CD99L2: variants seen among roughly 807,000 people sequenced by gnomAD.
CD99L2 encodes CD99 molecule like 2.
CD99L2 carries 24 observed loss-of-function variants against 27.3 expected under a neutral mutation model. That is an observed-to-expected ratio of 0.88 (90% CI 0.64 to 1.24). The LOEUF is 1.24. CD99L2 is among the 50% of genes most tolerant of loss of function. The pLI is 0.00. For missense variants in CD99L2, 255 were observed against 221.6 expected, an observed-to-expected ratio of 1.15 and a Z score of -0.96; for synonymous variants, 97 against 87.9, an observed-to-expected ratio of 1.10 and a Z score of -0.58.
chrX:150,806,483 T>A (rs191795973), intron 4 of CD99L2, among the ~76,000 whole-genome samples: 15 of 111,908 alleles, frequency 1.3e-4, no homozygotes, highest in Non-Finnish European at 2.6e-4. Flanking sequence ...CAAGGTAATT[T>A]CTGATGCAAA....
chrX:150,823,275 T>C (rs1160443778), intron 2 of CD99L2, among the ~76,000 whole-genome samples: 4 of 111,733 alleles, frequency 3.6e-5, no homozygotes, highest in Non-Finnish European at 7.5e-5. Flanking sequence ...TGGTTGGTTA[T>C]TTATTTAGTT....
intron 4 of CD99L2, among the ~76,000 whole-genome samples, chrX:150,796,497 A>G (rs1343026926): frequency 1.8e-5 from 2 of 112,755 alleles, no homozygotes; most frequent in African/African-American, 6.4e-5. Context: ...GTCTAGACAC[A>G]TTAAGTAAAA....
Position 150,795,476 on chromosome X carries a change from G to C in CD99L2, c.288C>G (p.Asn96Lys). Residue 96 changes from asparagine to lysine, a missense_variant, in exon 5 of 11, where the codon AAC becomes AAG. Asn to Lys is a moderately conservative substitution (Grantham distance 94, BLOSUM62 0). Transcript: ENST00000370377. ...KPGIGGRERWNHVTTTTKRPV... is the reference protein window; with the variant it reads ...KPGIGGRERWKHVTTTTKRPV... The stretch of plus-strand genomic sequence containing the variant: ...GCCTCTTGGTCGTGGTGGTTACATG[G>C]TTCCATCTCTCTAAAAGGGGAAGGG... The C allele has an allele frequency of 8.3e-7, 1 of 1,210,827 alleles. No homozygotes were observed. The highest frequency in any genetic ancestry group is 1.1e-6 in the Non-Finnish European group (1 of 895,180).
intron 6 of CD99L2, 138 bp from the exon 7 acceptor site, chrX:150,793,894 C>G: frequency 2.3e-6 from 1 of 430,404 alleles, no homozygotes; most frequent in Non-Finnish European, 3.8e-6. Flanking sequence ...CTAAGAGGTC[C>G]CCCCAGACCC....
intron 2 of CD99L2, among the ~76,000 whole-genome samples, chrX:150,826,968 C>T (rs1465148831): frequency 9.0e-6 from 1 of 111,153 alleles, no homozygotes; most frequent in African/African-American, 3.3e-5. Context: ...ATCCCATCAC[C>T]CCCTTGAATT....
At chrX:150,871,488 C>T (rs1406024486) in intron 1 of CD99L2, among the ~76,000 whole-genome samples, 6 of 111,862 alleles carry the variant, frequency 5.4e-5, no homozygotes, top group African/African-American at 2.0e-4. Flanking sequence ...CGAACACCAG[C>T]AAATATTGGA....
intron 1 of CD99L2, among the ~76,000 whole-genome samples, chrX:150,858,002 T>C (rs1395493772): frequency 8.9e-6 from 1 of 112,136 alleles, no homozygotes; most frequent in African/African-American, 3.2e-5. Flanking sequence ...GAAAAAGATA[T>C]TCCATGCAAA....
intron 4 of CD99L2, among the ~76,000 whole-genome samples, chrX:150,800,431 C>G (rs2045886079): frequency 9.0e-6 from 1 of 111,586 alleles, no homozygotes; most frequent in Non-Finnish European, 1.9e-5. Context: ...AATAATACAA[C>G]TATAAAAATA....
chrX:150,892,602 TC>T (rs1177021212), intron 1 of CD99L2, among the ~76,000 whole-genome samples: 1 of 48,676 alleles, frequency 2.1e-5, no homozygotes, highest in African/African-American at 1.3e-4. Context: ...CGAGACTCTG[TC>T]TCAAAAAAAA....
chrX:150,824,644 A>AGAAGAAGAAGAAGAAGAT (rs782686125), intron 2 of CD99L2, among the ~76,000 whole-genome samples: 8 of 76,768 alleles, frequency 1.0e-4, no homozygotes, highest in Non-Finnish European at 1.8e-4. Flanking sequence ...AAGGAGGAGA[A>AGAAGAAGAAGAAGAAGAT]GAAGAAGAAG....
intron 10 of CD99L2, 100 bp from the exon 11 acceptor site, chrX:150,769,201 C>CT: frequency 1.0e-6 from 1 of 986,786 alleles, no homozygotes. Context: ...CTGGGTTTCC[C>CT]TTTGTATCCC....
chrX:150,778,617 C>T (rs1335966313), intron 7 of CD99L2, among the ~76,000 whole-genome samples: 1 of 105,231 alleles, frequency 9.5e-6, no homozygotes, highest in Non-Finnish European at 1.9e-5. Context: ...TGGTGTGCTG[C>T]ACCCATTAAC....
intron 4 of CD99L2, among the ~76,000 whole-genome samples, chrX:150,805,530 C>T (rs977605212): frequency 6.3e-5 from 7 of 111,315 alleles, no homozygotes; most frequent in Middle Eastern, 4.2e-3. Context: ...ATAACAACCA[C>T]ACAACCCAGC....
chrX:150,777,409 A>G (rs781952612), intron 8 of CD99L2, 35 bp downstream of exon 8: 13 of 1,207,772 alleles, frequency 1.1e-5, no homozygotes, highest in Non-Finnish European at 3.4e-6. Context: ...TTCCTTTCAC[A>G]TGGCCAACAG....
intron 1 of CD99L2, among the ~76,000 whole-genome samples, chrX:150,852,640 A>C (rs940545167): frequency 1.3e-4 from 14 of 110,563 alleles, no homozygotes; most frequent in Admixed American, 3.9e-4. Context: ...AGCCCCCAGC[A>C]ACCACTAATC....
intron 1 of CD99L2, among the ~76,000 whole-genome samples, chrX:150,831,681 T>C (rs2124239428): frequency 9.0e-6 from 1 of 111,197 alleles, no homozygotes; most frequent in East Asian, 2.8e-4. Context: ...AAGTAATCTG[T>C]ACAACAAACC....
chrX:150,805,795 A>G (rs2045985068), intron 4 of CD99L2, among the ~76,000 whole-genome samples: 1 of 111,704 alleles, frequency 9.0e-6, no homozygotes, highest in African/African-American at 3.3e-5. Flanking sequence ...CAGTCCCAAA[A>G]CAGTATATAC....
intron 4 of CD99L2, among the ~76,000 whole-genome samples, chrX:150,814,294 T>C (rs1557420413): frequency 8.9e-6 from 1 of 112,317 alleles, no homozygotes; most frequent in African/African-American, 3.2e-5. Flanking sequence ...CAAGTTTTGG[T>C]GTCCTATCCG....
intron 9 of CD99L2, among the ~76,000 whole-genome samples, chrX:150,773,244 C>T (rs2043491925): frequency 8.9e-6 from 1 of 112,270 alleles, no homozygotes; most frequent in African/African-American, 3.2e-5. Context: ...AAGCCGGCCA[C>T]CCTGTCTGCT....
Sources: gnomAD v4.1 joint callset for allele counts (sites outside exome capture counted in the v4.1 genomes callset) on GRCh38, gnomAD v4.1.1 for gene constraint, MANE v1.5 for transcripts, NCBI Gene and HGNC (gene_info 2026-07-23, HGNC 2026-07-21) for gene names.